Variants in TDRD3 observed in about 807,000 individuals in gnomAD.
The protein encoded by TDRD3 is tudor domain containing 3, also known as tudor domain-containing protein 3.
A neutral mutation model predicts 86.7 loss-of-function variants in TDRD3; 45 were observed. That is an observed-to-expected ratio of 0.52 (90% CI 0.41 to 0.67). The LOEUF (loss-of-function observed/expected upper bound fraction) is 0.67, where lower values mean the gene tolerates loss of function less well. Among genes scored for constraint, TDRD3 ranks in the 30% least tolerant of loss-of-function variants. The pLI is 0.00. For synonymous variants in TDRD3, 298 were observed against 301.7 expected (o/e 0.99, Z 0.13); for missense variants, 814 against 889.0 (o/e 0.92, Z 1.07).
intron 12 of TDRD3, among the ~76,000 whole-genome samples, chr13:60,549,576 G>C (rs1298352014): frequency 6.6e-6 from 1 of 152,004 alleles, no homozygotes; most frequent in African/African-American, 2.4e-5. Flanking sequence ...TCTAAGACAC[G>C]TGTGTGTGTG....
chr13:60,544,487 T>C (rs1024632456), intron 12 of TDRD3, among the ~76,000 whole-genome samples: 1 of 149,936 alleles, frequency 6.7e-6, no homozygotes, highest in African/African-American at 2.4e-5. Flanking sequence ...AAAGAAAAAA[T>C]TGTCAAAACT....
intron 12 of TDRD3, among the ~76,000 whole-genome samples, chr13:60,561,884 G>A (rs982341079): frequency 6.6e-6 from 1 of 151,784 alleles, no homozygotes; most frequent in African/African-American, 2.4e-5. Flanking sequence ...TGTTGTTGTT[G>A]TTGTTGTTGT....
At position 60,528,720 on chromosome 13, in the gene TDRD3, A is replaced by G. The variant is rs1369379632; in HGVS notation, c.1495A>G (p.Arg499Gly). Reference sequence around the variant, plus strand: ...GCATAGTGATGGTGCTTTTAAAAAAAGAGATAACTCTATGCAAAGCAGATC... The same window carrying G: ...GCATAGTGATGGTGCTTTTAAAAAAGGAGATAACTCTATGCAAAGCAGATC... ...SQHSDGAFKK[R>G]DNSMQSRSGK... The change falls in exon 11 of 14, where the codon AGA (arginine) becomes GGA (glycine). Residue 499 changes from arginine to glycine, a missense_variant. Coordinates refer to ENST00000377881, the MANE Select transcript of TDRD3 (RefSeq NM_001146070.2). The G allele has an allele frequency of 2.5e-6, 4 of 1,611,604 alleles. No homozygotes were observed. The African/African-American group carries it at 4.0e-5, about 16-fold the overall frequency.
chr13:60,539,616 TGAA>T (rs1333757569), intron 12 of TDRD3, among the ~76,000 whole-genome samples: 2 of 151,838 alleles, frequency 1.3e-5, no homozygotes, highest in East Asian at 3.8e-4. Flanking sequence ...TACTTTAAAA[TGAA>T]GAGCTATCAA....
intron 10 of TDRD3, among the ~76,000 whole-genome samples, chr13:60,513,280 C>T (rs538946538): frequency 6.6e-6 from 1 of 152,278 alleles, no homozygotes; most frequent in African/African-American, 2.4e-5. Context: ...GACCCTGGGC[C>T]CAGCCCATGA....
At chr13:60,551,304 G>A (rs1449178835) in intron 12 of TDRD3, among the ~76,000 whole-genome samples, 1 of 152,138 alleles carries the variant, frequency 6.6e-6, no homozygotes, top group Non-Finnish European at 1.5e-5. Context: ...AACCTCACAG[G>A]ATTATTGTGA....
rs374112617 is a variant in TDRD3, at chr13:60,471,283, A to C, written c.495+3904A>C. On this transcript the variant is annotated intron_variant, in intron 5 of 13. Coordinates refer to ENST00000377881, the MANE Select transcript of TDRD3 (RefSeq NM_001146070.2). ...GTGAATATCCAGTTTTCCCAGCACT[A>C]CTTTTTGAAAATAGTGTTCTTAATG... Among the ~76,000 whole-genome samples the C allele has an allele frequency of 3.3e-5, 5 of 152,280 alleles. No homozygotes were observed. In the South Asian group the frequency reaches 1.0e-3, roughly 32 times the overall value.
At chr13:60,510,855 A>G in intron 10 of TDRD3, 100 bp downstream of exon 10, 1 of 1,164,054 alleles carries the variant, frequency 8.6e-7, no homozygotes. Context: ...TTTATTTAGA[A>G]TTGTAGTGTA....
intron 5 of TDRD3, 93 bp from the exon 6 acceptor site, chr13:60,483,682 C>T: frequency 9.1e-7 from 1 of 1,099,694 alleles, no homozygotes; most frequent in South Asian, 1.9e-5. Flanking sequence ...TTATAAGAAT[C>T]TACTCAAATA....
chr13:60,529,373 C>A (rs1327348135), intron 11 of TDRD3, among the ~76,000 whole-genome samples, 156 bp downstream of exon 11: 1 of 152,080 alleles, frequency 6.6e-6, no homozygotes, highest in African/African-American at 2.4e-5. Flanking sequence ...AAAGGATAAA[C>A]AAAATATTTA....
Position 60,510,643 on chromosome 13 carries a change from CAG to C in TDRD3, c.1030_1031del (p.Arg344GlyfsTer6). On this transcript the variant is annotated frameshift_variant, in exon 10 of 14. Transcript: ENST00000377881. LOFTEE classifies it high-confidence loss of function. ...TTGCATCTAAAGGTAGAGGAAAAGG[CAG>C]GGGGCGAATAAGATCTGAAGATGAA... ...GPPLRGRGKGRGRIRSEDEED... is the reference protein window; with the variant it reads ...GPPLRGRGKGXGRIRSEDEED... 6.3e-7 allele frequency: 1 copy of C among 1,599,788 alleles called. No homozygotes were observed. Among genetic ancestry groups the C allele is most frequent in the Non-Finnish European group, 8.5e-7 (1 of 1,173,248 alleles).
chr13:60,484,228 A>C (rs1956379347), intron 6 of TDRD3, among the ~76,000 whole-genome samples: 1 of 152,150 alleles, frequency 6.6e-6, no homozygotes, highest in Non-Finnish European at 1.5e-5. Context: ...ACACAGAGTG[A>C]TCAAAGTGCT....
chr13:60,412,526 C>A (rs964680256), intron 1 of TDRD3, among the ~76,000 whole-genome samples: 3 of 151,964 alleles, frequency 2.0e-5, no homozygotes, highest in Admixed American at 2.0e-4. Flanking sequence ...GGATTACAAG[C>A]CTTGTTGGTT....
chr13:60,535,241 A>G lies in TDRD3; in HGVS notation c.2118+8A>G. On this transcript the variant is annotated splice_region_variant and intron_variant, in intron 12 of 13. Transcript: ENST00000377881. ...ATTCAAACAGAGGCATGGGTACGTG[A>G]TACATATTCTGTACAAAGGCATAAA... is the stretch of plus-strand genomic sequence containing the variant. 6.2e-7 allele frequency: 1 copy of G among 1,610,784 alleles called. No homozygotes were observed. Among genetic ancestry groups the G allele is most frequent in the African/African-American group, 1.3e-5 (1 of 74,806 alleles).
At position 60,511,069 on chromosome 13, in the gene TDRD3, C is replaced by A. The variant is rs142587268; in HGVS notation, c.1141+314C>A. ...GGAAATTTATTATAATCTTATATAA[C>A]TTATTTTGCTTGTGAAATTGATATA... On this transcript the variant is annotated intron_variant, in intron 10 of 13. Coordinates refer to ENST00000377881, the MANE Select transcript of TDRD3 (RefSeq NM_001146070.2). Among the ~76,000 whole-genome samples, 210 of 152,072 alleles carry A rather than the reference C, an allele frequency of 1.4e-3. 1 individual carries two copies. Among genetic ancestry groups the A allele is most frequent in the Middle Eastern group, 6.8e-3 (2 of 294 alleles).
intron 4 of TDRD3, 61 bp from the exon 5 acceptor site, chr13:60,467,177 C>A: frequency 6.3e-7 from 1 of 1,588,606 alleles, no homozygotes; most frequent in East Asian, 2.2e-5. Flanking sequence ...TGTTGTTTCC[C>A]GCCCTGTGTC....
intron 1 of TDRD3, among the ~76,000 whole-genome samples, chr13:60,417,241 C>G (rs2137853087): frequency 2.0e-5 from 3 of 152,174 alleles, no homozygotes; most frequent in African/African-American, 7.2e-5. Flanking sequence ...TCTGAAACTC[C>G]TGGCCTCAAA....
chr13:60,405,821 C>A (rs1294275580), intron 1 of TDRD3, among the ~76,000 whole-genome samples: 1 of 152,074 alleles, frequency 6.6e-6, no homozygotes, highest in Non-Finnish European at 1.5e-5. Flanking sequence ...TTTGAAGTAT[C>A]CTTGGACTGA....
At chr13:60,538,650 A>G (rs944514247) in intron 12 of TDRD3, among the ~76,000 whole-genome samples, 12 of 152,138 alleles carry the variant, frequency 7.9e-5, no homozygotes, top group Non-Finnish European at 1.5e-4. Flanking sequence ...CCACTGTATG[A>G]GAAAACATTA....
Sources: allele counts gnomAD v4.1 joint callset (sites outside exome capture counted in the v4.1 genomes callset), GRCh38; gene constraint gnomAD v4.1.1; transcripts MANE v1.5; gene names NCBI Gene and HGNC (gene_info 2026-07-23, HGNC 2026-07-21).